The following PCDH15 variants were observed in gnomAD, a reference collection of about 807,000 sequenced individuals.
PCDH15 encodes protocadherin related 15, also known as protocadherin-15.
In PCDH15, 129 loss-of-function variants were observed where a neutral mutation model predicts 178.5. The ratio of observed to expected loss-of-function variants is 0.72; its 90% CI spans 0.63 to 0.84. The LOEUF (loss-of-function observed/expected upper bound fraction) is 0.84, where lower values mean the gene tolerates loss of function less well. Among genes scored for constraint, PCDH15 ranks in the 40% least tolerant of loss-of-function variants. PCDH15 has a pLI of 0.00. For missense variants in PCDH15, 2,230 were observed against 2,099.9 expected (o/e 1.06, Z -1.21); for synonymous variants, 800 against 732.0 (o/e 1.09, Z -1.50).
intron 10 of PCDH15, among the ~76,000 whole-genome samples, chr10:54,205,356 T>A (rs7090306): frequency 0.9 from 136,549 of 151,900 alleles, 61,537 homozygotes; most frequent in East Asian, 0.98. Flanking sequence ...AGTTGGAAAC[T>A]GAATGGAAGG....
rs71461206 is a variant in PCDH15, at chr10:53,846,023, TACAC to T, written c.3807-5531_3807-5528del. Among the ~76,000 whole-genome samples, 91 of 147,126 alleles carry T rather than the reference TACAC, an allele frequency of 6.2e-4. 1 individual carries two copies. Among genetic ancestry groups the T allele is most frequent in the South Asian group, 5.6e-3 (26 of 4,628 alleles). ...AGGTTATATCAATAGTGTATGTGTA[TACAC>T]ACACACACACACACACACACACAAA... On this transcript the variant is annotated intron_variant, in intron 28 of 37. Coordinates refer to ENST00000644397, the MANE Select transcript of PCDH15 (RefSeq NM_001384140.1).
intron 2 of PCDH15, among the ~76,000 whole-genome samples, chr10:55,373,715 C>G (rs909954033): frequency 6.6e-6 from 1 of 152,062 alleles, no homozygotes; most frequent in Non-Finnish European, 1.5e-5. Flanking sequence ...GACCCCCACC[C>G]AACTACGTAA....
intron 14 of PCDH15, among the ~76,000 whole-genome samples, chr10:54,149,676 G>A (rs1266543195): frequency 1.3e-5 from 2 of 152,162 alleles, no homozygotes; most frequent in African/African-American, 2.4e-5. Flanking sequence ...CTCAGAGTGA[G>A]GTGTGAAAGC....
chr10:53,814,763 A>C (rs1343411054), intron 35 of PCDH15, among the ~76,000 whole-genome samples: 1 of 152,086 alleles, frequency 6.6e-6, no homozygotes, highest in Non-Finnish European at 1.5e-5. Context: ...CGAGAGACAG[A>C]GACCATCCTG....
intron 26 of PCDH15, among the ~76,000 whole-genome samples, chr10:53,875,847 T>A (rs2080190661): frequency 6.6e-6 from 1 of 152,150 alleles, no homozygotes; most frequent in Admixed American, 6.5e-5. Context: ...ATTAATTTTC[T>A]AATAGCCTAA....
At chr10:53,918,459 A>G (rs1304898342) in intron 25 of PCDH15, among the ~76,000 whole-genome samples, 1 of 152,194 alleles carries the variant, frequency 6.6e-6, no homozygotes, top group East Asian at 1.9e-4. Context: ...CAGCTTCTAG[A>G]ATACAGGCAA....
rs56284504 is a variant in PCDH15, at chr10:54,384,326, CT to C, written c.158-5385del. On this transcript the variant is annotated intron_variant, in intron 3 of 37. Transcript: ENST00000644397. ...CTCTACCAAGCTGAAGATCCCCCCC[CT>C]TTTTTTTTTTTAACTAAAACTTCAT... 2.4e-3 allele frequency among the ~76,000 whole-genome samples: 357 copies of C among 149,166 alleles called. 1 individual carries two copies. The highest frequency in any genetic ancestry group is 0.017 in the Middle Eastern group (5 of 290).
intron 2 of PCDH15, among the ~76,000 whole-genome samples, chr10:54,916,203 A>G (rs1591781388): frequency 6.6e-6 from 1 of 152,156 alleles, no homozygotes; most frequent in East Asian, 1.9e-4. Context: ...ACTCCTGACC[A>G]CCCACCTCAG....
At chr10:54,099,324 C>A (rs900566447) in intron 15 of PCDH15, among the ~76,000 whole-genome samples, 3 of 150,536 alleles carry the variant, frequency 2.0e-5, no homozygotes, top group Admixed American at 1.3e-4. Flanking sequence ...CATGGTGAAA[C>A]CCCATCTCTA....
At chr10:54,407,885 G>A (rs1453307417) in intron 3 of PCDH15, among the ~76,000 whole-genome samples, 11 of 151,642 alleles carry the variant, frequency 7.3e-5, no homozygotes, top group African/African-American at 1.5e-4. Context: ...GCAATACCTC[G>A]TCTCTACTAA....
chr10:54,185,036 A>AT lies in PCDH15; in HGVS notation c.1440+97dup, dbSNP rs1226660317. On this transcript the variant is annotated intron_variant, in intron 12 of 37. Transcript: ENST00000644397. The stretch of plus-strand genomic sequence containing the variant: ...AATGTATTTTTCCCCCAAGTCATTG[A>AT]TTTTTTCAGTTTTAACCAGACATCT... The AT allele has an allele frequency of 9.8e-5, 141 of 1,434,426 alleles. 1 individual carries two copies. In the South Asian group the frequency reaches 1.5e-3, roughly 16 times the overall value. The allele number at this position is 1,434,426 out of a possible 1,614,324, so 88.9% of individuals were successfully genotyped here.
At chr10:54,511,186 C>T (rs2081618586) in intron 3 of PCDH15, among the ~76,000 whole-genome samples, 1 of 152,040 alleles carries the variant, frequency 6.6e-6, no homozygotes, top group Admixed American at 6.6e-5. Flanking sequence ...GCTGCAGCAC[C>T]CATTGTACCT....
chr10:54,968,790 T>A (rs1838860439), intron 2 of PCDH15, among the ~76,000 whole-genome samples: 1 of 152,206 alleles, frequency 6.6e-6, no homozygotes, highest in Non-Finnish European at 1.5e-5. Context: ...ATGGATGCTC[T>A]GTTTATTTTG....
intron 3 of PCDH15, among the ~76,000 whole-genome samples, chr10:54,394,596 G>A (rs1415195147): frequency 1.3e-5 from 2 of 152,170 alleles, no homozygotes; most frequent in African/African-American, 2.4e-5. Flanking sequence ...CCGCAGGACC[G>A]AGGTGAAATT....
At chr10:55,506,733 CAT>C (rs1840767818) in intron 2 of PCDH15, among the ~76,000 whole-genome samples, 1 of 151,510 alleles carries the variant, frequency 6.6e-6, no homozygotes, top group East Asian at 1.9e-4. Flanking sequence ...TCAGCATGTG[CAT>C]ATACAGAATA....
rs921607180 is a variant in PCDH15, at chr10:55,400,631, C to A, written c.-156+226994G>T. ...GCAACTAACAAAGACACTTGATATG[C>A]ACATTCCCAGCTGAAGTCAAACAAG... On this transcript the variant is annotated intron_variant, in intron 2 of 5. Transcript: ENST00000613346. Among the ~76,000 whole-genome samples, 9 of 152,146 alleles carry A rather than the reference C, an allele frequency of 5.9e-5. No individual in the cohort carries two copies. The East Asian group carries it at 1.7e-3, about 29-fold the overall frequency.
chr10:55,029,686 C>T (rs544132824), intron 2 of PCDH15, among the ~76,000 whole-genome samples: 2 of 152,220 alleles, frequency 1.3e-5, no homozygotes, highest in East Asian at 1.9e-4. Context: ...CCTTCTATTC[C>T]TGTTGCCCAT....
chr10:54,863,646 G>A (rs115449720), intron 3 of PCDH15, among the ~76,000 whole-genome samples: 2,016 of 152,274 alleles, frequency 0.013, 46 homozygotes, highest in African/African-American at 0.044. Context: ...AATAGCTGCT[G>A]TTTATGTTTA....
At chr10:54,338,286 C>T (rs1396222377) in intron 6 of PCDH15, among the ~76,000 whole-genome samples, 1 of 151,652 alleles carries the variant, frequency 6.6e-6, no homozygotes, top group Non-Finnish European at 1.5e-5. Context: ...ATGGAAATCT[C>T]ATGATATAAT....
Sources: allele counts gnomAD v4.1 joint callset (sites outside exome capture counted in the v4.1 genomes callset), GRCh38; gene constraint gnomAD v4.1.1; transcripts MANE v1.5; gene names NCBI Gene and HGNC (gene_info 2026-07-23, HGNC 2026-07-21).